Variants in EXOC6 observed in about 807,000 individuals in gnomAD.
EXOC6 encodes the protein exocyst complex component 6.
Under a neutral mutation model 112.5 loss-of-function variants are expected in EXOC6, and 60 were observed. The observed-to-expected ratio is 0.53, with a 90% confidence interval of 0.43 to 0.66. The LOEUF (loss-of-function observed/expected upper bound fraction) is 0.66. Ranked by LOEUF, EXOC6 falls within the 30% of genes least tolerant of loss-of-function variation. The pLI, the probability that EXOC6 is intolerant of heterozygous loss-of-function variation, is 0.00. For missense variants in EXOC6, 855 were observed against 957.1 expected (o/e 0.89, Z 1.41); for synonymous variants, 295 against 308.0 (o/e 0.96, Z 0.44).
intron 1 of EXOC6, among the ~76,000 whole-genome samples, chr10:92,890,310 G>A (rs1198060131): frequency 6.6e-6 from 1 of 152,128 alleles, no homozygotes; most frequent in African/African-American, 2.4e-5. Flanking sequence ...TTATGGTTGT[G>A]AAAACTGATA....
intron 12 of EXOC6, among the ~76,000 whole-genome samples, chr10:92,937,399 A>T (rs1852405528): frequency 1.3e-5 from 2 of 152,214 alleles, no homozygotes; most frequent in South Asian, 4.1e-4. Flanking sequence ...CCCTTAGAAC[A>T]TCTTTTAGAT....
intron 13 of EXOC6, among the ~76,000 whole-genome samples, chr10:92,941,055 ACT>A (rs1351977751): frequency 6.6e-6 from 1 of 151,734 alleles, no homozygotes; most frequent in Non-Finnish European, 1.5e-5. Context: ...CCAAATAGAA[ACT>A]CTGTACTCAC....
intron 18 of EXOC6, among the ~76,000 whole-genome samples, chr10:92,983,799 G>C (rs999166420): frequency 6.6e-6 from 1 of 152,002 alleles, no homozygotes; most frequent in Admixed American, 6.6e-5. Context: ...GAGCCACTGC[G>C]CCAAGCCTAT....
At chr10:93,047,668 C>T (rs1210139110) in intron 20 of EXOC6, among the ~76,000 whole-genome samples, 2 of 152,002 alleles carry the variant, frequency 1.3e-5, no homozygotes, top group East Asian at 3.9e-4. Context: ...GAGAGAGAGG[C>T]CAGGCACGGT....
intron 1 of EXOC6, among the ~76,000 whole-genome samples, chr10:92,854,957 T>C (rs1817715153): frequency 6.6e-6 from 1 of 152,206 alleles, no homozygotes. Flanking sequence ...GATTTCCTCA[T>C]GTTTAATTAC....
chr10:92,830,031 T>C (rs896709012), upstream of EXOC6, among the ~76,000 whole-genome samples: 7 of 152,166 alleles, frequency 4.6e-5, no homozygotes, highest in African/African-American at 1.7e-4. Context: ...ATCCACCCCT[T>C]GTTTAGCAAA....
intron 19 of EXOC6, among the ~76,000 whole-genome samples, chr10:93,007,553 C>T (rs781502668): frequency 4.6e-5 from 7 of 151,922 alleles, no homozygotes; most frequent in Non-Finnish European, 7.4e-5. Flanking sequence ...CTCTGGAGGC[C>T]GAGGCAGGAG....
intron 8 of EXOC6, among the ~76,000 whole-genome samples, chr10:92,927,721 A>G (rs1002434491): frequency 6.6e-6 from 1 of 152,200 alleles, no homozygotes; most frequent in Non-Finnish European, 1.5e-5. Flanking sequence ...ATGATAGGGA[A>G]GTACAGGTTG....
intron 19 of EXOC6, among the ~76,000 whole-genome samples, chr10:93,001,868 A>C (rs890693456): frequency 2.6e-5 from 4 of 152,166 alleles, no homozygotes; most frequent in African/African-American, 9.7e-5. Flanking sequence ...CCTTATTCTT[A>C]TTCTTCTTAT....
chr10:92,897,274 A>C (rs968700657), intron 4 of EXOC6, among the ~76,000 whole-genome samples: 3 of 152,204 alleles, frequency 2.0e-5, no homozygotes, highest in Admixed American at 1.3e-4. Flanking sequence ...CTCTTAGTTC[A>C]TATAAGTATT....
chr10:92,846,089 A>T (rs2133603914), upstream of EXOC6, among the ~76,000 whole-genome samples: 1 of 152,388 alleles, frequency 6.6e-6, no homozygotes, highest in African/African-American at 2.4e-5. Context: ...GAGAAGTGGT[A>T]AATGGACTTC....
intron 17 of EXOC6, among the ~76,000 whole-genome samples, chr10:92,965,386 G>C (rs962327953): frequency 6.6e-6 from 1 of 152,042 alleles, no homozygotes; most frequent in Non-Finnish European, 1.5e-5. Flanking sequence ...CTCAAATTAT[G>C]CTAGATACAT....
At chr10:93,047,306 G>T (rs1846042615) in intron 20 of EXOC6, among the ~76,000 whole-genome samples, 1 of 152,042 alleles carries the variant, frequency 6.6e-6, no homozygotes, top group African/African-American at 2.4e-5. Flanking sequence ...GGAGGCCAAG[G>T]CAGGTGGATC....
At chr10:92,942,564 A>T (rs1419657403) in intron 13 of EXOC6, among the ~76,000 whole-genome samples, 1 of 152,210 alleles carries the variant, frequency 6.6e-6, no homozygotes, top group Non-Finnish European at 1.5e-5. Context: ...ATATGGAACT[A>T]TCAACAATTA....
At position 92,928,242 on chromosome 10, in the gene EXOC6, TAG is replaced by T. The variant is rs1247466605; in HGVS notation, c.889-93_889-92del. 8.1e-6 allele frequency: 5 copies of T among 617,884 alleles called. No homozygotes were observed. In the African/African-American group the frequency reaches 9.3e-5, roughly 12 times the overall value. 38.3% of individuals were successfully genotyped at this position (617,884 alleles called of 1,614,324 possible). A position where few individuals can be genotyped will look rare whatever the true frequency, so the allele number is the denominator to read the frequency against. The stretch of plus-strand genomic sequence containing the variant: ...TGCTATTAAACATTTACATTCTAGT[TAG>T]AGAATTTAAAGTGACTCTTGGGGTA... On this transcript the variant is annotated intron_variant, in intron 8 of 21. Coordinates refer to ENST00000260762, the MANE Select transcript of EXOC6 (RefSeq NM_019053.6).
intron 12 of EXOC6, 149 bp downstream of exon 12, chr10:92,936,034 A>G (rs2133960044): frequency 3.5e-6 from 2 of 567,352 alleles, no homozygotes; most frequent in Non-Finnish European, 6.1e-6. Flanking sequence ...GCTATTACCC[A>G]GGACTATTCA....
intron 20 of EXOC6, among the ~76,000 whole-genome samples, chr10:93,043,990 C>T (rs932641581): frequency 1.4e-4 from 22 of 152,214 alleles, no homozygotes; most frequent in Non-Finnish European, 1.5e-5. Flanking sequence ...AGTGTTGTCT[C>T]TGTTTCGTTG....
chr10:92,860,903 G>A (rs746709938), intron 1 of EXOC6, among the ~76,000 whole-genome samples: 2 of 151,402 alleles, frequency 1.3e-5, no homozygotes, highest in Non-Finnish European at 2.9e-5. Context: ...TGTGAATAAT[G>A]CTGCAGTGAA....
chr10:93,038,808 C>T (rs1305351202), intron 20 of EXOC6, among the ~76,000 whole-genome samples: 1 of 152,158 alleles, frequency 6.6e-6, no homozygotes, highest in African/African-American at 2.4e-5. Context: ...TTACCTCTAC[C>T]CTTGAAGAAC....
Sources: gnomAD v4.1 joint callset for allele counts (sites outside exome capture counted in the v4.1 genomes callset) on GRCh38, gnomAD v4.1.1 for gene constraint, MANE v1.5 for transcripts, NCBI Gene and HGNC (gene_info 2026-07-23, HGNC 2026-07-21) for gene names.